Variants in PRKCE observed in about 807,000 individuals in gnomAD.
PRKCE encodes the protein protein kinase C epsilon type.
In PRKCE, 16 loss-of-function variants were observed where a neutral mutation model predicts 85.4. The observed-to-expected ratio is 0.19, with a 90% CI of 0.13 to 0.28. The LOEUF (loss-of-function observed/expected upper bound fraction) is 0.28, where lower values mean the gene tolerates loss of function less well. PRKCE is among the 10% of genes least tolerant of loss of function. The pLI is 1.00. For missense variants in PRKCE, 573 were observed against 975.2 expected (o/e 0.59, Z 5.49); for synonymous variants, 388 against 371.5 (o/e 1.04, Z -0.51).
intron 2 of PRKCE, among the ~76,000 whole-genome samples, chr2:45,974,679 T>C (rs1203670679): frequency 1.3e-5 from 2 of 152,214 alleles, no homozygotes; most frequent in African/African-American, 2.4e-5. Flanking sequence ...GATTAATCTG[T>C]TGTTCAGGTC....
chr2:45,743,474 G>A (rs924684570), intron 1 of PRKCE, among the ~76,000 whole-genome samples: 3 of 151,936 alleles, frequency 2.0e-5, no homozygotes, highest in South Asian at 4.2e-4. Flanking sequence ...ACCCCTCACC[G>A]AGAGAGGCCC....
At chr2:45,797,203 A>G (rs1687507634) in intron 1 of PRKCE, among the ~76,000 whole-genome samples, 1 of 152,180 alleles carries the variant, frequency 6.6e-6, no homozygotes, top group Non-Finnish European at 1.5e-5. Flanking sequence ...ACCCAAACCC[A>G]TTCTGGTGAC....
At chr2:45,653,282 A>T (rs73926022) in intron 1 of PRKCE, among the ~76,000 whole-genome samples, 1 of 151,732 alleles carries the variant, frequency 6.6e-6, no homozygotes, top group Admixed American at 6.6e-5. Flanking sequence ...GTCTCAATCT[A>T]CTATAAACCA....
At chr2:45,756,141 G>A (rs1683985514) in intron 1 of PRKCE, among the ~76,000 whole-genome samples, 1 of 152,220 alleles carries the variant, frequency 6.6e-6, no homozygotes, top group Non-Finnish European at 1.5e-5. Flanking sequence ...GCTGACTCCA[G>A]TCTTTGGTGA....
intron 2 of PRKCE, among the ~76,000 whole-genome samples, chr2:45,927,908 A>C (rs1439206916): frequency 3.4e-5 from 5 of 149,166 alleles, no homozygotes; most frequent in African/African-American, 9.8e-5. Context: ...AAGTGACTGT[A>C]GCCTTCACTC....
At position 46,092,346 on chromosome 2, in the gene PRKCE, C is replaced by T. The variant is rs543754229; in HGVS notation, c.1592+5984C>T. ...CTCTTCCTCCTTAGATTCTCCAAGC[C>T]TTTTGATCTCTAATGAGCCCTTATC... On this transcript the variant is annotated intron_variant, in intron 11 of 14. Transcript: ENST00000306156. Among the ~76,000 whole-genome samples, 19 of 152,274 alleles carry T rather than the reference C, an allele frequency of 1.2e-4. No individual in the cohort carries two copies. The Middle Eastern group carries it at 0.017, about 136-fold the overall frequency.
At chr2:45,953,505 G>A (rs1031136996) in intron 2 of PRKCE, among the ~76,000 whole-genome samples, 1 of 152,054 alleles carries the variant, frequency 6.6e-6, no homozygotes, top group Non-Finnish European at 1.5e-5. Context: ...ACCTCTCCTG[G>A]AATACCCAAC....
chr2:46,010,380 T>C lies in PRKCE; in HGVS notation c.1300T>C (p.Tyr434His). 1 of 1,599,394 alleles carries C rather than the reference T, an allele frequency of 6.3e-7. No individual in the cohort carries two copies. Among genetic ancestry groups the C allele is most frequent in the Non-Finnish European group, 8.5e-7 (1 of 1,179,714 alleles). The change falls in exon 10 of 15, where the codon TAT (tyrosine) becomes CAT (histidine). Residue 434 changes from tyrosine (Y) to histidine (H), a missense_variant. Physicochemically the swap from Tyr to His is moderately conservative, Grantham distance 83. This residue lies in a region of PRKCE where 89 missense variants were observed against 154.1 expected (regional missense o/e 0.58). Coordinates refer to ENST00000306156, the MANE Select transcript of PRKCE (RefSeq NM_005400.3). ...AGAACTCAAGGGCAAAGATGAAGTA[T>C]ATGCTGTGAAGGTCTTAAAGAAGGA... ...LAELKGKDEV[Y>H]AVKVLKKDVI...
chr2:45,825,400 A>G (rs566860644), intron 1 of PRKCE, among the ~76,000 whole-genome samples: 5 of 152,242 alleles, frequency 3.3e-5, no homozygotes, highest in Non-Finnish European at 7.4e-5. Flanking sequence ...GTGGGACACC[A>G]AACTGTGTTA....
At chr2:46,022,817 C>T (rs1271590890) in intron 10 of PRKCE, among the ~76,000 whole-genome samples, 1 of 152,188 alleles carries the variant, frequency 6.6e-6, no homozygotes, top group African/African-American at 2.4e-5. Context: ...GGCGCGGTGG[C>T]TCACGCCTGT....
chr2:45,868,476 A>G (rs1208562626), intron 2 of PRKCE, among the ~76,000 whole-genome samples: 1 of 151,200 alleles, frequency 6.6e-6, no homozygotes, highest in Non-Finnish European at 1.5e-5. Flanking sequence ...GGCACCTGCC[A>G]CCACGCCTGG....
chr2:45,769,648 G>T (rs929877718), intron 1 of PRKCE, among the ~76,000 whole-genome samples: 1 of 152,176 alleles, frequency 6.6e-6, no homozygotes, highest in African/African-American at 2.4e-5. Flanking sequence ...TCATGAGTTT[G>T]TAAGTTCTTT....
chr2:46,018,380 G>A (rs1706346742), intron 10 of PRKCE, among the ~76,000 whole-genome samples: 1 of 152,136 alleles, frequency 6.6e-6, no homozygotes, highest in African/African-American at 2.4e-5. Context: ...CCTCATGGGA[G>A]CGTAAAACTG....
intron 2 of PRKCE, among the ~76,000 whole-genome samples, chr2:45,851,317 A>G (rs6731586): frequency 0.023 from 3,477 of 152,326 alleles, 140 homozygotes; most frequent in African/African-American, 0.079. Context: ...GACTCATTCA[A>G]CCTATGGCTG....
intron 1 of PRKCE, among the ~76,000 whole-genome samples, chr2:45,739,357 C>G (rs1291209342): frequency 6.6e-6 from 1 of 152,126 alleles, no homozygotes; most frequent in Non-Finnish European, 1.5e-5. Flanking sequence ...CCAAGAGTGT[C>G]CCTGTGTGAG....
chr2:45,998,009 A>C (rs759944986), intron 6 of PRKCE, among the ~76,000 whole-genome samples: 21 of 152,274 alleles, frequency 1.4e-4, no homozygotes, highest in Admixed American at 4.6e-4. Flanking sequence ...TGTGGTCTAA[A>C]GCCAACATTG....
At chr2:45,880,340 A>G (rs1208547970) in intron 2 of PRKCE, among the ~76,000 whole-genome samples, 2 of 152,220 alleles carry the variant, frequency 1.3e-5, no homozygotes, top group Non-Finnish European at 2.9e-5. Context: ...GGAGGGGGAT[A>G]CAGATATCTC....
intron 12 of PRKCE, among the ~76,000 whole-genome samples, chr2:46,150,514 CTT>C (rs1457309385): frequency 5.9e-5 from 9 of 152,142 alleles, no homozygotes; most frequent in Admixed American, 4.6e-4. Flanking sequence ...GTGGGGGAGA[CTT>C]ATTCATTGCA....
intron 5 of PRKCE, among the ~76,000 whole-genome samples, chr2:45,980,939 C>A (rs532909041): frequency 1.3e-5 from 2 of 152,218 alleles, no homozygotes; most frequent in African/African-American, 2.4e-5. Context: ...TTATTATCTT[C>A]ATTTTACAAC....
Sources: gnomAD v4.1 joint callset for allele counts (sites outside exome capture counted in the v4.1 genomes callset) on GRCh38, gnomAD v4.1.1 for gene constraint, gnomAD v4.1.1 regional missense constraint, MANE v1.5 for transcripts, NCBI Gene and HGNC (gene_info 2026-07-23, HGNC 2026-07-21) for gene names.